HACD2: variants seen among roughly 807,000 people sequenced by gnomAD.
The protein encoded by HACD2 is very-long-chain (3R)-3-hydroxyacyl-CoA dehydratase 2.
A neutral mutation model predicts 31.0 loss-of-function variants in HACD2; 15 were observed. The ratio of observed to expected loss-of-function variants is 0.48; its 90% CI spans 0.32 to 0.75. HACD2 has a LOEUF of 0.75. Among genes scored for constraint, HACD2 ranks in the 30% least tolerant of loss-of-function variants. The probability of loss-of-function intolerance (pLI) is 0.03; values close to 1 mark genes in which losing one functional copy is unlikely to be tolerated. For missense variants in HACD2, 283 were observed against 313.0 expected (o/e 0.90, Z 0.72); for synonymous variants, 115 against 122.2 (o/e 0.94, Z 0.39).
chr3:123,535,497 T>C (rs1444032853), intron 3 of HACD2, among the ~76,000 whole-genome samples: 3 of 152,224 alleles, frequency 2.0e-5, no homozygotes, highest in East Asian at 1.9e-4. Context: ...CTTAATGCCA[T>C]GTATTTTAAA....
chr3:123,545,930 C>T (rs376654800), intron 3 of HACD2, among the ~76,000 whole-genome samples: 38 of 151,852 alleles, frequency 2.5e-4, no homozygotes, highest in African/African-American at 8.7e-4. Context: ...AGGGTGGTCT[C>T]GAACTCCTGA....
At chr3:123,558,625 GA>G (rs370594089) in intron 3 of HACD2, among the ~76,000 whole-genome samples, 41 of 151,478 alleles carry the variant, frequency 2.7e-4, no homozygotes, top group African/African-American at 8.5e-4. Context: ...TGAATGAAGA[GA>G]AAAAAAATCC....
intron 4 of HACD2, among the ~76,000 whole-genome samples, chr3:123,512,726 G>T (rs949772157): frequency 2.6e-5 from 4 of 152,178 alleles, no homozygotes; most frequent in African/African-American, 9.7e-5. Context: ...ATGCGAGAAA[G>T]AACACTGAGG....
chr3:123,526,697 T>G (rs975219704), intron 4 of HACD2, among the ~76,000 whole-genome samples: 1 of 152,214 alleles, frequency 6.6e-6, no homozygotes. Context: ...TGTTATATGT[T>G]AAGTCCTTTG....
intron 3 of HACD2, among the ~76,000 whole-genome samples, chr3:123,554,767 T>C (rs1461656082): frequency 2.0e-5 from 3 of 152,150 alleles, no homozygotes; most frequent in African/African-American, 7.2e-5. Flanking sequence ...CACAAGGGCA[T>C]ATCAGGCAAA....
At chr3:123,524,550 C>G (rs1295148623) in intron 4 of HACD2, among the ~76,000 whole-genome samples, 3 of 152,184 alleles carry the variant, frequency 2.0e-5, no homozygotes, top group Non-Finnish European at 4.4e-5. Flanking sequence ...GTGAATATGG[C>G]ATGGTGGAAC....
intron 4 of HACD2, among the ~76,000 whole-genome samples, chr3:123,524,238 T>C (rs2056251377): frequency 6.6e-6 from 1 of 152,206 alleles, no homozygotes; most frequent in Admixed American, 6.5e-5. Context: ...TTGAGAAGCC[T>C]AATAAAAATT....
intron 4 of HACD2, among the ~76,000 whole-genome samples, chr3:123,511,239 T>C (rs917472386): frequency 2.6e-5 from 4 of 152,110 alleles, no homozygotes; most frequent in Non-Finnish European, 5.9e-5. Flanking sequence ...CCTCACTGAA[T>C]CCCCATTTTA....
At chr3:123,505,403 G>A (rs186055066) in intron 4 of HACD2, among the ~76,000 whole-genome samples, 6 of 152,210 alleles carry the variant, frequency 3.9e-5, no homozygotes, top group African/African-American at 1.2e-4. Flanking sequence ...GTGGTAAAAT[G>A]GTAAATGTTG....
chr3:123,556,243 C>G (rs76228442), intron 3 of HACD2, among the ~76,000 whole-genome samples: 112 of 152,098 alleles, frequency 7.4e-4, no homozygotes, highest in African/African-American at 2.7e-3. Flanking sequence ...TCAAGACCAT[C>G]CCTGGCAACA....
intron 3 of HACD2, among the ~76,000 whole-genome samples, chr3:123,540,712 T>C (rs1391541715): frequency 6.6e-6 from 1 of 152,202 alleles, no homozygotes; most frequent in Non-Finnish European, 1.5e-5. Flanking sequence ...CCTTGAAATA[T>C]GAATGGTTCA....
At chr3:123,581,106 C>T (rs570890289) in intron 2 of HACD2, among the ~76,000 whole-genome samples, 38 of 152,244 alleles carry the variant, frequency 2.5e-4, no homozygotes, top group Admixed American at 1.5e-3. Context: ...AGGCGTGAGC[C>T]ACCGTGCCCA....
At position 123,567,797 on chromosome 3, in the gene HACD2, G is replaced by A. The variant is rs2056808688; in HGVS notation, c.274-17C>T. On this transcript the variant is annotated splice_polypyrimidine_tract_variant and intron_variant, in intron 2 of 6. Transcript: ENST00000383657. ...ATGTAAAATCTAGAGGAAAAAAGGG[G>A]AAAAAAGAGGAGAATTAGTAAGAAT... 1 of 1,464,572 alleles carries A rather than the reference G, an allele frequency of 6.8e-7. No homozygotes were observed. Among genetic ancestry groups the A allele is most frequent in the Non-Finnish European group, 9.2e-7 (1 of 1,083,510 alleles). 90.7% of individuals were successfully genotyped at this position (1,464,572 alleles called of 1,614,324 possible).
chr3:123,577,214 A>G (rs542453950), intron 2 of HACD2, among the ~76,000 whole-genome samples: 8 of 152,248 alleles, frequency 5.3e-5, no homozygotes, highest in Non-Finnish European at 7.3e-5. Flanking sequence ...AGCAATGTAC[A>G]TATGTTGAAG....
At chr3:123,495,075 C>T (rs2055816357) in intron 6 of HACD2, 105 bp from the exon 7 acceptor site, 1 of 689,490 alleles carries the variant, frequency 1.5e-6, no homozygotes, top group Admixed American at 3.1e-5. Flanking sequence ...ACTAATTTCT[C>T]ATCCAGCAAC....
intron 4 of HACD2, among the ~76,000 whole-genome samples, chr3:123,510,789 G>A (rs1310894831): frequency 2.6e-5 from 4 of 152,172 alleles, no homozygotes; most frequent in African/African-American, 9.7e-5. Context: ...TAGTAGTGGA[G>A]TTATTGGACC....
chr3:123,492,942 G>A lies in HACD2; in HGVS notation c.*1946C>T, dbSNP rs1345055071. The A allele has an allele frequency of 6.6e-6, 1 of 152,218 alleles. No homozygotes were observed. Among genetic ancestry groups the A allele is most frequent in the Non-Finnish European group, 1.5e-5 (1 of 68,040 alleles). 9.4% of individuals were successfully genotyped at this position (152,218 alleles called of 1,614,324 possible). A position where few individuals can be genotyped will look rare whatever the true frequency, so the allele number is the denominator to read the frequency against. ...CAAGAATAGATTCTAATTTCAACAT[G>A]TCCAAGTTGAGTGCTGACTTTAAGA... On this transcript the variant is annotated 3_prime_UTR_variant, in exon 7 of 7. Coordinates refer to ENST00000383657, the MANE Select transcript of HACD2 (RefSeq NM_198402.5).
At chr3:123,559,452 A>G (rs1324754732) in intron 3 of HACD2, among the ~76,000 whole-genome samples, 1 of 152,234 alleles carries the variant, frequency 6.6e-6, no homozygotes, top group African/African-American at 2.4e-5. Context: ...TACTCAGATC[A>G]TTGACATTCA....
At chr3:123,495,089 G>A in intron 6 of HACD2, 119 bp from the exon 7 acceptor site, 4 of 650,016 alleles carry the variant, frequency 6.2e-6, no homozygotes, top group East Asian at 2.9e-5. Flanking sequence ...CAGCAACCAA[G>A]GAAGGTAACA....
Sources: allele counts gnomAD v4.1 joint callset (sites outside exome capture counted in the v4.1 genomes callset), GRCh38; gene constraint gnomAD v4.1.1; transcripts MANE v1.5; gene names NCBI Gene and HGNC (gene_info 2026-07-23, HGNC 2026-07-21).